The following ANTXR1 variants were observed in gnomAD, a reference collection of about 807,000 sequenced individuals.
ANTXR1 encodes the protein ANTXR cell adhesion molecule 1, also known as anthrax toxin receptor 1.
In ANTXR1, 19 loss-of-function variants were observed where a neutral mutation model predicts 78.1. That is an observed-to-expected ratio of 0.24 (90% CI 0.17 to 0.36). ANTXR1 has a LOEUF of 0.36. Among genes scored for constraint, ANTXR1 ranks in the 10% least tolerant of loss-of-function variants. The probability of loss-of-function intolerance (pLI) is 1.00; values close to 1 mark genes in which losing one functional copy is unlikely to be tolerated. For missense variants in ANTXR1, 518 were observed against 718.6 expected, an observed-to-expected ratio of 0.72 and a Z score of 3.19; for synonymous variants, 273 against 260.5, an observed-to-expected ratio of 1.05 and a Z score of -0.46.
At chr2:69,101,839 T>C (rs1474601396) in intron 9 of ANTXR1, among the ~76,000 whole-genome samples, 1 of 152,176 alleles carries the variant, frequency 6.6e-6, no homozygotes, top group Non-Finnish European at 1.5e-5. Context: ...AAAAGGATGA[T>C]AAAAGTGAAA....
intron 10 of ANTXR1, among the ~76,000 whole-genome samples, chr2:69,111,896 G>A (rs573811653): frequency 2.0e-5 from 3 of 152,330 alleles, no homozygotes; most frequent in African/African-American, 4.8e-5. Context: ...TCATTAAAGT[G>A]CAGATGGGGA....
intron 10 of ANTXR1, among the ~76,000 whole-genome samples, chr2:69,113,057 C>T (rs968176942): frequency 6.6e-6 from 1 of 152,100 alleles, no homozygotes; most frequent in Non-Finnish European, 1.5e-5. Context: ...GATGTTTCCC[C>T]TGCTCTACCA....
chr2:69,030,410 T>C (rs1671496205), intron 1 of ANTXR1, among the ~76,000 whole-genome samples: 1 of 152,158 alleles, frequency 6.6e-6, no homozygotes, highest in Admixed American at 6.5e-5. Context: ...TACACAAAAC[T>C]TCCCACCAAC....
At chr2:69,163,364 G>A (rs1198824177) in intron 13 of ANTXR1, among the ~76,000 whole-genome samples, 1 of 151,726 alleles carries the variant, frequency 6.6e-6, no homozygotes, top group African/African-American at 2.4e-5. Flanking sequence ...AACCATGAAA[G>A]TACTATTCTG....
intron 17 of ANTXR1, among the ~76,000 whole-genome samples, chr2:69,202,081 C>T (rs1674786796): frequency 1.3e-5 from 2 of 152,036 alleles, no homozygotes; most frequent in South Asian, 4.1e-4. Flanking sequence ...GAGTCATTGG[C>T]CATGGCAGTT....
At chr2:69,099,645 T>G (rs535457641) in intron 9 of ANTXR1, among the ~76,000 whole-genome samples, 6 of 152,342 alleles carry the variant, frequency 3.9e-5, no homozygotes, top group African/African-American at 1.4e-4. Context: ...GAGTATGAAG[T>G]GATATCTCCA....
At chr2:69,178,187 G>C (rs193062939) in intron 14 of ANTXR1, among the ~76,000 whole-genome samples, 4 of 152,276 alleles carry the variant, frequency 2.6e-5, no homozygotes, top group African/African-American at 9.6e-5. Context: ...ATTCTACTCC[G>C]TCCATTTTTG....
At chr2:69,186,809 C>T (rs1435652788) in intron 16 of ANTXR1, among the ~76,000 whole-genome samples, 1 of 152,202 alleles carries the variant, frequency 6.6e-6, no homozygotes, top group Non-Finnish European at 1.5e-5. Flanking sequence ...CCTGCAAATC[C>T]TTGGCTCTTT....
chr2:69,090,648 C>A, intron 8 of ANTXR1: 1 of 609,680 alleles, frequency 1.6e-6, no homozygotes, highest in Non-Finnish European at 3.0e-6. Flanking sequence ...ATTCTTAGGG[C>A]TTTTAGGATA....
At position 69,199,660 on chromosome 2, in the gene ANTXR1, C is replaced by T. The variant is rs114892240; in HGVS notation, c.1434+6245C>T. Among the ~76,000 whole-genome samples the T allele has an allele frequency of 4.2e-3, 636 of 152,250 alleles. 6 individuals are homozygous for T. The highest frequency in any genetic ancestry group is 5.1e-3 in the Non-Finnish European group (349 of 68,006). On this transcript the variant is annotated intron_variant, in intron 17 of 17. Coordinates refer to ENST00000303714, the MANE Select transcript of ANTXR1 (RefSeq NM_032208.3). ...TCACCTAGAGAGCTTTCAAGGTCCC[C>T]CCCTAAAGGTTCTGTTTAATTGTTC...
chr2:69,107,114 T>C (rs1017675245), intron 10 of ANTXR1, among the ~76,000 whole-genome samples: 8 of 148,548 alleles, frequency 5.4e-5, no homozygotes, highest in Non-Finnish European at 1.0e-4. Context: ...GGAAATTTCA[T>C]CCCCCCCCCG....
chr2:69,117,031 A>G (rs951397741), intron 10 of ANTXR1, among the ~76,000 whole-genome samples: 1 of 152,226 alleles, frequency 6.6e-6, no homozygotes, highest in African/African-American at 2.4e-5. Flanking sequence ...TTATGAGTGT[A>G]TGGTTCCAGA....
chr2:69,071,921 A>C, intron 5 of ANTXR1, 134 bp downstream of exon 5: 3 of 854,390 alleles, frequency 3.5e-6, no homozygotes, highest in Non-Finnish European at 5.7e-6. Context: ...CACACATTTC[A>C]TCACAAACAA....
intron 3 of ANTXR1, among the ~76,000 whole-genome samples, chr2:69,070,009 C>T (rs1670519230): frequency 6.6e-6 from 1 of 152,170 alleles, no homozygotes; most frequent in African/African-American, 2.4e-5. Flanking sequence ...GAATGGTCCA[C>T]AAAGATTCCA....
chr2:69,227,567 T>C (rs1330527588), intron 17 of ANTXR1, among the ~76,000 whole-genome samples: 1 of 152,168 alleles, frequency 6.6e-6, no homozygotes, highest in Non-Finnish European at 1.5e-5. Flanking sequence ...AAGCCCAAAA[T>C]AATACAAGCT....
chr2:69,240,977 C>T (rs1041726988), intron 17 of ANTXR1, among the ~76,000 whole-genome samples: 1 of 152,188 alleles, frequency 6.6e-6, no homozygotes, highest in Non-Finnish European at 1.5e-5. Context: ...AGCTGGCATC[C>T]TAAGCCTTCA....
At chr2:69,171,261 G>C (rs1425602999) in intron 14 of ANTXR1, among the ~76,000 whole-genome samples, 1 of 152,218 alleles carries the variant, frequency 6.6e-6, no homozygotes, top group Non-Finnish European at 1.5e-5. Context: ...ACGCATGTAA[G>C]CCAAGGGATT....
chr2:69,200,863 C>T (rs917925348), intron 17 of ANTXR1, among the ~76,000 whole-genome samples: 1 of 152,240 alleles, frequency 6.6e-6, no homozygotes, highest in Non-Finnish European at 1.5e-5. Context: ...TAATGATGAT[C>T]TCCATTTTAA....
intron 1 of ANTXR1, among the ~76,000 whole-genome samples, chr2:69,028,748 A>G (rs897884989): frequency 1.3e-5 from 2 of 152,242 alleles, no homozygotes; most frequent in African/African-American, 4.8e-5. Flanking sequence ...TGAGAAAGGA[A>G]CAAGCTGAAA....
Sources: gnomAD v4.1 joint callset for allele counts (sites outside exome capture counted in the v4.1 genomes callset) on GRCh38, gnomAD v4.1.1 for gene constraint, MANE v1.5 for transcripts, NCBI Gene and HGNC (gene_info 2026-07-23, HGNC 2026-07-21) for gene names.